The following MARCHF8 variants were observed in gnomAD, a reference collection of about 807,000 sequenced individuals.
MARCHF8 encodes the protein membrane associated ring-CH-type finger 8.
Under a neutral mutation model 51.6 loss-of-function variants are expected in MARCHF8, and 40 were observed. That is an observed-to-expected ratio of 0.77 (90% CI 0.60 to 1.01). The LOEUF is 1.01. MARCHF8 is among the 50% of genes least tolerant of loss of function. The pLI, the probability that MARCHF8 is intolerant of heterozygous loss-of-function variation, is 0.00. For synonymous variants in MARCHF8, 263 were observed against 280.3 expected, an observed-to-expected ratio of 0.94 and a Z score of 0.62; for missense variants, 685 against 708.6, an observed-to-expected ratio of 0.97 and a Z score of 0.38.
chr10:45,528,917 G>A (rs559666259), intron 2 of MARCHF8, among the ~76,000 whole-genome samples: 1 of 152,256 alleles, frequency 6.6e-6, no homozygotes, highest in African/African-American at 2.4e-5. Flanking sequence ...ATCTGCAGAT[G>A]CAATTCCTAT....
chr10:45,569,917 C>A (rs181409247), intron 1 of MARCHF8, among the ~76,000 whole-genome samples: 2 of 151,844 alleles, frequency 1.3e-5, no homozygotes, highest in Admixed American at 1.3e-4. Context: ...TATAAAGACA[C>A]GGGTTAAAAT....
At chr10:45,562,031 GTTAA>G (rs1264628032) in intron 1 of MARCHF8, among the ~76,000 whole-genome samples, 1 of 151,778 alleles carries the variant, frequency 6.6e-6, no homozygotes, top group Non-Finnish European at 1.5e-5. Context: ...AACCAAATGA[GTTAA>G]TTAAATAGCA....
At chr10:45,518,226 G>C (rs2043651336) in intron 2 of MARCHF8, among the ~76,000 whole-genome samples, 1 of 152,158 alleles carries the variant, frequency 6.6e-6, no homozygotes, top group Non-Finnish European at 1.5e-5. Flanking sequence ...TATCAGGCAA[G>C]TCCTTCCAAC....
At chr10:45,588,946 C>G (rs1192601744) in intron 1 of MARCHF8, among the ~76,000 whole-genome samples, 1 of 143,148 alleles carries the variant, frequency 7.0e-6, no homozygotes, top group Non-Finnish European at 1.5e-5. Flanking sequence ...TTGCAGTGAG[C>G]CAAGATCACG....
At chr10:45,460,573 A>G (rs1564461832) in intron 6 of MARCHF8, among the ~76,000 whole-genome samples, 1 of 152,224 alleles carries the variant, frequency 6.6e-6, no homozygotes, top group Non-Finnish European at 1.5e-5. Context: ...TCCAGACAAA[A>G]CCTTTTGTGC....
chr10:45,477,349 C>A (rs2042805223), intron 3 of MARCHF8, among the ~76,000 whole-genome samples: 1 of 152,178 alleles, frequency 6.6e-6, no homozygotes, highest in Non-Finnish European at 1.5e-5. Flanking sequence ...GAATCCTACA[C>A]ATGGAAGCAC....
intron 2 of MARCHF8, among the ~76,000 whole-genome samples, chr10:45,520,490 T>C (rs2043688627): frequency 6.6e-6 from 1 of 152,232 alleles, no homozygotes; most frequent in African/African-American, 2.4e-5. Flanking sequence ...CTGGCCAGGA[T>C]AAACTGTACA....
chr10:45,539,807 C>T (rs922318522), upstream of MARCHF8, among the ~76,000 whole-genome samples: 16 of 152,258 alleles, frequency 1.1e-4, no homozygotes, highest in East Asian at 2.5e-3. Flanking sequence ...AAAACCCCAT[C>T]GTCTCAGCCC....
chr10:45,593,386 T>C (rs1253658739), intron 1 of MARCHF8: 1 of 152,136 alleles, frequency 6.6e-6, no homozygotes, highest in Non-Finnish European at 1.5e-5. Flanking sequence ...TCACTCACCA[T>C]ATGAAACAGG....
chr10:45,590,103 AG>A (rs1337338763), intron 1 of MARCHF8, among the ~76,000 whole-genome samples: 1 of 152,152 alleles, frequency 6.6e-6, no homozygotes, highest in Non-Finnish European at 1.5e-5. Context: ...TAGCCATCTT[AG>A]TTTACTAAGA....
At chr10:45,510,765 T>C (rs890308462) in intron 2 of MARCHF8, among the ~76,000 whole-genome samples, 1 of 152,120 alleles carries the variant, frequency 6.6e-6, no homozygotes, top group African/African-American at 2.4e-5. Flanking sequence ...CACAAGACCA[T>C]AACAGCCACA....
intron 1 of MARCHF8, among the ~76,000 whole-genome samples, chr10:45,568,685 C>A (rs1371029324): frequency 7.1e-6 from 1 of 140,776 alleles, no homozygotes; most frequent in Non-Finnish European, 1.5e-5. Flanking sequence ...CACCACTGCA[C>A]TCCAGCCTGG....
chr10:45,488,293 T>C (rs2043020239), intron 3 of MARCHF8, among the ~76,000 whole-genome samples: 3 of 152,104 alleles, frequency 2.0e-5, no homozygotes, highest in Admixed American at 2.0e-4. Context: ...GGGACAACTT[T>C]TGCCTTCCTG....
chr10:45,586,036 C>A (rs968226902), intron 1 of MARCHF8, among the ~76,000 whole-genome samples: 6 of 152,098 alleles, frequency 3.9e-5, no homozygotes, highest in African/African-American at 1.2e-4. Context: ...GCTTTTTAGA[C>A]CCTTTTTAAA....
intron 2 of MARCHF8, among the ~76,000 whole-genome samples, chr10:45,530,421 A>G (rs1235343608): frequency 1.3e-5 from 2 of 152,216 alleles, no homozygotes; most frequent in East Asian, 1.9e-4. Context: ...GGTATATGAA[A>G]ATACTCCATC....
intron 1 of MARCHF8, among the ~76,000 whole-genome samples, chr10:45,550,069 G>A (rs531235063): frequency 6.6e-6 from 1 of 152,200 alleles, no homozygotes; most frequent in Non-Finnish European, 1.5e-5. Flanking sequence ...TTCATTAGGA[G>A]CCGTTTTGTA....
intron 2 of MARCHF8, among the ~76,000 whole-genome samples, chr10:45,500,676 T>G (rs1589125578): frequency 6.6e-6 from 1 of 152,000 alleles, no homozygotes. Context: ...CCACCACAAT[T>G]AGGAAAATAA....
intron 1 of MARCHF8, among the ~76,000 whole-genome samples, chr10:45,591,848 G>A (rs890488498): frequency 5.9e-5 from 9 of 152,066 alleles, no homozygotes; most frequent in East Asian, 5.8e-4. Context: ...TCTTTCCACC[G>A]TTCTGTCCAC....
chr10:45,563,499 G>A (rs1020500180), intron 1 of MARCHF8, among the ~76,000 whole-genome samples: 10 of 152,112 alleles, frequency 6.6e-5, no homozygotes, highest in South Asian at 2.1e-4. Flanking sequence ...CTTTGTTAAC[G>A]TAAGTCTATG....
Sources: gnomAD v4.1 joint callset for allele counts (sites outside exome capture counted in the v4.1 genomes callset) on GRCh38, gnomAD v4.1.1 for gene constraint, MANE v1.5 for transcripts, NCBI Gene and HGNC (gene_info 2026-07-23, HGNC 2026-07-21) for gene names.